VTI1A: variants seen among roughly 807,000 people sequenced by gnomAD.
The protein encoded by VTI1A is vesicle transport through interaction with t-SNAREs homolog 1A.
VTI1A carries 22 observed loss-of-function variants against 34.9 expected under a neutral mutation model. That is an observed-to-expected ratio of 0.63 (90% CI 0.45 to 0.90). The LOEUF is 0.90. VTI1A is among the 40% of genes least tolerant of loss of function. VTI1A has a pLI of 0.00. For missense variants in VTI1A, 268 were observed against 275.6 expected, an observed-to-expected ratio of 0.97 and a Z score of 0.20; for synonymous variants, 87 against 97.3, an observed-to-expected ratio of 0.89 and a Z score of 0.62.
At chr10:112,675,156 C>CA (rs1426769001) in intron 7 of VTI1A, among the ~76,000 whole-genome samples, 6 of 152,022 alleles carry the variant, frequency 3.9e-5, no homozygotes, top group African/African-American at 1.2e-4. Flanking sequence ...TTTTAATAAC[C>CA]AAAAAAACTG....
At chr10:112,628,930 AT>A (rs751069909) in intron 5 of VTI1A, among the ~76,000 whole-genome samples, 4 of 152,074 alleles carry the variant, frequency 2.6e-5, no homozygotes, top group Admixed American at 1.3e-4. Flanking sequence ...GAAATTTTTA[AT>A]TTTGGGTTCA....
At chr10:112,795,931 G>A (rs1282129017) in intron 7 of VTI1A, among the ~76,000 whole-genome samples, 1 of 152,104 alleles carries the variant, frequency 6.6e-6, no homozygotes, top group Non-Finnish European at 1.5e-5. Context: ...ATTAACACTT[G>A]GCTGCGTTTC....
intron 5 of VTI1A, among the ~76,000 whole-genome samples, chr10:112,586,880 G>A (rs904533871): frequency 6.6e-6 from 1 of 152,156 alleles, no homozygotes; most frequent in Admixed American, 6.5e-5. Context: ...TCTAAAAATG[G>A]CCAGTGGTTT....
chr10:112,530,674 T>C (rs961037576), intron 4 of VTI1A, among the ~76,000 whole-genome samples: 8 of 152,172 alleles, frequency 5.3e-5, no homozygotes, highest in Admixed American at 1.3e-4. Context: ...TAGCAGATAA[T>C]GATTGCTTAA....
chr10:112,776,909 C>T (rs1008077375), intron 7 of VTI1A, among the ~76,000 whole-genome samples: 7 of 152,062 alleles, frequency 4.6e-5, no homozygotes, highest in Non-Finnish European at 8.8e-5. Flanking sequence ...AACTCCTGAC[C>T]TCAGGTGATC....
chr10:112,470,430 C>T (rs997353010), intron 3 of VTI1A, among the ~76,000 whole-genome samples: 1 of 152,120 alleles, frequency 6.6e-6, no homozygotes, highest in Non-Finnish European at 1.5e-5. Flanking sequence ...TACTGTAGTG[C>T]AGAAAAGCAT....
At chr10:112,564,602 T>C (rs907670412) in intron 5 of VTI1A, among the ~76,000 whole-genome samples, 7 of 152,148 alleles carry the variant, frequency 4.6e-5, no homozygotes, top group Non-Finnish European at 1.0e-4. Context: ...GTTACCCCCC[T>C]TTTTTTAAAT....
At chr10:112,545,789 A>G (rs1002273317) in intron 5 of VTI1A, among the ~76,000 whole-genome samples, 2 of 152,126 alleles carry the variant, frequency 1.3e-5, no homozygotes, top group Non-Finnish European at 2.9e-5. Context: ...TGTTTATTCA[A>G]ACTGGATAAA....
intron 5 of VTI1A, among the ~76,000 whole-genome samples, chr10:112,542,630 A>G (rs1023280870): frequency 1.3e-5 from 2 of 152,166 alleles, no homozygotes; most frequent in Non-Finnish European, 2.9e-5. Flanking sequence ...GAAATAACAC[A>G]ATGTTTATTG....
At chr10:112,490,611 A>ATT (rs10694500) in intron 3 of VTI1A, among the ~76,000 whole-genome samples, 39,770 of 143,090 alleles carry the variant, frequency 0.28, 5,906 homozygotes, top group African/African-American at 0.39. Context: ...AGATGCTACA[A>ATT]TTTTTTTTTT....
chr10:112,565,598 A>G (rs372345473), intron 5 of VTI1A, among the ~76,000 whole-genome samples: 1 of 152,150 alleles, frequency 6.6e-6, no homozygotes. Flanking sequence ...AACTTACACG[A>G]CTGGCTGTAG....
chr10:112,785,960 T>C (rs1386904715), intron 7 of VTI1A, among the ~76,000 whole-genome samples: 5 of 152,160 alleles, frequency 3.3e-5, no homozygotes, highest in Non-Finnish European at 7.4e-5. Context: ...TTCTAGTTGT[T>C]TCATTTACAT....
chr10:112,649,859 A>G (rs576186984), intron 5 of VTI1A, among the ~76,000 whole-genome samples: 28 of 152,306 alleles, frequency 1.8e-4, no homozygotes, highest in Admixed American at 4.6e-4. Context: ...TAAAAATATG[A>G]TATAAGAGAT....
chr10:112,466,058 C>T (rs74158728), intron 3 of VTI1A, among the ~76,000 whole-genome samples: 3,149 of 152,122 alleles, frequency 0.021, 115 homozygotes, highest in African/African-American at 0.071. Context: ...AAGATACAGG[C>T]GAGGAAAGAT....
chr10:112,631,872 CA>C (rs1846143121), intron 5 of VTI1A, among the ~76,000 whole-genome samples: 1 of 152,196 alleles, frequency 6.6e-6, no homozygotes, highest in East Asian at 1.9e-4. Context: ...CAGGATTGCT[CA>C]ATCTGGGACC....
At chr10:112,737,919 G>A in intron 7 of VTI1A, 17 of 1,062,558 alleles carry the variant, frequency 1.6e-5, no homozygotes, top group Non-Finnish European at 1.9e-5. Flanking sequence ...AGCTGAGGAT[G>A]GAGGTATGTC....
intron 7 of VTI1A, among the ~76,000 whole-genome samples, chr10:112,674,205 T>A (rs1390452794): frequency 1.3e-5 from 2 of 152,172 alleles, no homozygotes; most frequent in Non-Finnish European, 2.9e-5. Flanking sequence ...GGTGATAAAC[T>A]CGGGCCCTGA....
chr10:112,835,205 C>T, the VTI1A span, among the ~76,000 whole-genome samples: 1 of 152,132 alleles, frequency 6.6e-6, no homozygotes, highest in Admixed American at 6.6e-5. Context: ...CACACCCTGA[C>T]CCATGAGGCC....
intron 7 of VTI1A, among the ~76,000 whole-genome samples, chr10:112,694,600 C>A (rs188936592): frequency 2.5e-3 from 375 of 152,042 alleles, no homozygotes; most frequent in Non-Finnish European, 3.3e-3. Context: ...TTACTTCTAA[C>A]CTCCTTTAAA....
Sources: gnomAD v4.1 joint callset for allele counts (sites outside exome capture counted in the v4.1 genomes callset) on GRCh38, gnomAD v4.1.1 for gene constraint, MANE v1.5 for transcripts, NCBI Gene and HGNC (gene_info 2026-07-23, HGNC 2026-07-21) for gene names.